Variants in SLCO3A1 observed in about 807,000 individuals in gnomAD.
SLCO3A1 encodes PGE1 transporter.
SLCO3A1 carries 27 observed loss-of-function variants against 63.1 expected under a neutral mutation model. The observed-to-expected ratio is 0.43, with a 90% CI of 0.32 to 0.59. The LOEUF is 0.59. Among genes scored for constraint, SLCO3A1 ranks in the 20% least tolerant of loss-of-function variants. The pLI is 0.09. For synonymous variants in SLCO3A1, 473 were observed against 409.9 expected, an observed-to-expected ratio of 1.15 and a Z score of -1.86; for missense variants, 773 against 945.8, an observed-to-expected ratio of 0.82 and a Z score of 2.40.
rs1039243400 is a variant in SLCO3A1, at chr15:92,126,259, G to A, written c.1373G>A (p.Ser458Asn). The A allele has an allele frequency of 6.2e-7, 1 of 1,613,694 alleles. No homozygotes were observed. The highest frequency in any genetic ancestry group is 8.5e-7 in the Non-Finnish European group (1 of 1,179,668). The change falls in exon 6 of 10, where the codon AGC (serine) becomes AAC (asparagine). Residue 458 changes from serine (S) to asparagine (N), a missense_variant and splice_region_variant. Physicochemically the swap from Ser to Asn is conservative, Grantham distance 46 (BLOSUM62 1). Coordinates refer to ENST00000318445, the MANE Select transcript of SLCO3A1 (RefSeq NM_013272.4). Reference sequence around the variant, plus strand: ...GGGGTTACTGTTCCCTATGGAAACAGGTGAGTACTGGCAGTGTCTGCCGCC... The same window carrying A: ...GGGGTTACTGTTCCCTATGGAAACAAGTGAGTACTGGCAGTGTCTGCCGCC... ...VAGVTVPYGN[S>N]TAPGSALDPY...
intron 2 of SLCO3A1, among the ~76,000 whole-genome samples, chr15:92,031,664 T>A (rs551280996): frequency 2.0e-5 from 3 of 152,164 alleles, no homozygotes; most frequent in Admixed American, 1.3e-4. Flanking sequence ...AAGGACACAG[T>A]CTTTTGCGGG....
At position 91,912,981 on chromosome 15, in the gene SLCO3A1, A is replaced by G. The variant is rs1408573146; in HGVS notation, c.181-3012A>G. 1.3e-5 allele frequency among the ~76,000 whole-genome samples: 2 copies of G among 152,168 alleles called. No homozygotes were observed. Among genetic ancestry groups the G allele is most frequent in the African/African-American group, 4.8e-5 (2 of 41,432 alleles). On this transcript the variant is annotated intron_variant, in intron 1 of 9. Coordinates refer to ENST00000318445, the MANE Select transcript of SLCO3A1 (RefSeq NM_013272.4). The surrounding 1 kb of genome is among the most constrained non-coding windows in gnomAD (Gnocchi z 5.0). ...CCTCTGGTAAATCATTTATTCCATCATGTATGTATGTTTGTTTGTGTTGCG... is the reference window on the plus strand; with the variant it reads ...CCTCTGGTAAATCATTTATTCCATCGTGTATGTATGTTTGTTTGTGTTGCG...
intron 1 of SLCO3A1, among the ~76,000 whole-genome samples, chr15:91,879,936 C>T (rs1897511585): frequency 6.6e-6 from 1 of 152,088 alleles, no homozygotes; most frequent in South Asian, 2.1e-4. Context: ...AGAGATGGCA[C>T]AGTGAGTCCC....
intron 2 of SLCO3A1, among the ~76,000 whole-genome samples, chr15:91,925,502 A>G (rs1226521395): frequency 1.3e-5 from 2 of 150,708 alleles, no homozygotes. Flanking sequence ...TTAACTAGGA[A>G]ACTACCTCTC....
At chr15:92,142,723 T>C (rs918829634) in intron 7 of SLCO3A1, among the ~76,000 whole-genome samples, 5 of 152,124 alleles carry the variant, frequency 3.3e-5, no homozygotes, top group Non-Finnish European at 5.9e-5. Context: ...CTCACCCGGA[T>C]GGGGCTGTGC....
intron 2 of SLCO3A1, among the ~76,000 whole-genome samples, chr15:92,037,190 C>T (rs2046738894): frequency 6.6e-6 from 1 of 152,154 alleles, no homozygotes; most frequent in Admixed American, 6.5e-5. Context: ...CTTTAAGATC[C>T]ACAATCATTT....
chr15:92,140,010 C>T, intron 7 of SLCO3A1, among the ~76,000 whole-genome samples: 1 of 134,906 alleles, frequency 7.4e-6, no homozygotes, highest in Non-Finnish European at 1.6e-5. Context: ...TATTTCTTGC[C>T]TTCTGCTAGC....
At chr15:91,931,390 C>T (rs1899222883) in intron 2 of SLCO3A1, among the ~76,000 whole-genome samples, 1 of 152,032 alleles carries the variant, frequency 6.6e-6, no homozygotes, top group South Asian at 2.1e-4. Context: ...GGAGAGGGGC[C>T]AGTGGCATCC....
At chr15:91,955,382 G>C (rs1597153965) in intron 2 of SLCO3A1, among the ~76,000 whole-genome samples, 1 of 151,360 alleles carries the variant, frequency 6.6e-6, no homozygotes, top group East Asian at 1.9e-4. Flanking sequence ...ACCCAGGCTA[G>C]AGTGCAATGG....
intron 1 of SLCO3A1, among the ~76,000 whole-genome samples, chr15:91,873,561 CACACATACAT>C (rs1335963628): frequency 6.6e-6 from 1 of 151,578 alleles, no homozygotes; most frequent in African/African-American, 2.4e-5. Flanking sequence ...CACACACACA[CACACATACAT>C]ACATACATAC....
chr15:92,167,284 C>T (rs754245847), downstream of SLCO3A1, among the ~76,000 whole-genome samples: 11 of 152,156 alleles, frequency 7.2e-5, no homozygotes, highest in Non-Finnish European at 1.0e-4. Flanking sequence ...ACTGGGCTCA[C>T]GCCATTCTCC....
intron 2 of SLCO3A1, among the ~76,000 whole-genome samples, chr15:92,078,174 A>G (rs1174936094): frequency 1.3e-5 from 2 of 152,218 alleles, no homozygotes; most frequent in Non-Finnish European, 2.9e-5. Flanking sequence ...TTAGTTCGCT[A>G]TATCCCCATT....
At position 92,126,273 on chromosome 15, in the gene SLCO3A1, G is replaced by A. The variant is rs377557787; in HGVS notation, c.1373+14G>A. 2 of 1,610,892 alleles carry A rather than the reference G, an allele frequency of 1.2e-6. No homozygotes were observed. The highest frequency in any genetic ancestry group is 2.2e-5 in the East Asian group (1 of 44,822). ...CTATGGAAACAGGTGAGTACTGGCA[G>A]TGTCTGCCGCCTTCCTGCCTGTTCA... On this transcript the variant is annotated intron_variant, in intron 6 of 9. Transcript: ENST00000318445.
At chr15:92,073,337 C>T (rs952340080) in intron 2 of SLCO3A1, among the ~76,000 whole-genome samples, 3 of 152,146 alleles carry the variant, frequency 2.0e-5, no homozygotes, top group African/African-American at 4.8e-5. Context: ...CATTCTACCC[C>T]GTGGAAAAGG....
chr15:92,007,173 G>A lies in SLCO3A1; in HGVS notation c.647-87708G>A, dbSNP rs567318902. 2.0e-5 allele frequency among the ~76,000 whole-genome samples: 3 copies of A among 152,302 alleles called. No individual in the cohort carries two copies. The East Asian group carries it at 5.8e-4, about 29-fold the overall frequency. ...ATATATATGTTCTCAATGAGATAAA[G>A]GTCAGTTTCATGGTAGGTGCTGCTA... On this transcript the variant is annotated intron_variant, in intron 2 of 9. Transcript: ENST00000318445.
At chr15:92,116,789 G>A (rs2047800472) in intron 4 of SLCO3A1, among the ~76,000 whole-genome samples, 1 of 152,182 alleles carries the variant, frequency 6.6e-6, no homozygotes, top group African/African-American at 2.4e-5. Flanking sequence ...TGAGGGTGCT[G>A]CAAGTCATTG....
At chr15:91,915,250 C>T (rs1249631410) in intron 1 of SLCO3A1, among the ~76,000 whole-genome samples, 1 of 152,112 alleles carries the variant, frequency 6.6e-6, no homozygotes, top group Non-Finnish European at 1.5e-5. Context: ...GTGTCTAGGG[C>T]ATTGCCTGGC....
chr15:91,979,510 G>T (rs1342568763), intron 2 of SLCO3A1, among the ~76,000 whole-genome samples: 1 of 152,164 alleles, frequency 6.6e-6, no homozygotes, highest in Non-Finnish European at 1.5e-5. Flanking sequence ...TTGTCTGGCA[G>T]TTAGCAGAAC....
At chr15:91,864,843 C>A (rs976900407) in intron 1 of SLCO3A1, among the ~76,000 whole-genome samples, 9 of 152,154 alleles carry the variant, frequency 5.9e-5, no homozygotes, top group African/African-American at 2.2e-4. Context: ...GTGTTCATTT[C>A]CGCTCTGTCA....
Sources: allele counts gnomAD v4.1 joint callset (sites outside exome capture counted in the v4.1 genomes callset), GRCh38; gene constraint gnomAD v4.1.1; non-coding constraint Gnocchi (gnomAD v3.1); transcripts MANE v1.5; gene names NCBI Gene and HGNC (gene_info 2026-07-23, HGNC 2026-07-21).